The following ITCH variants were observed in gnomAD, a reference collection of about 807,000 sequenced individuals.
The protein encoded by ITCH is itchy E3 ubiquitin protein ligase.
In ITCH, 28 loss-of-function variants were observed where a neutral mutation model predicts 126.8. The observed-to-expected ratio is 0.22, with a 90% CI of 0.16 to 0.30. ITCH has a LOEUF of 0.30. ITCH is among the 10% of genes least tolerant of loss of function. The probability of loss-of-function intolerance (pLI) is 1.00; values close to 1 mark genes in which losing one functional copy is unlikely to be tolerated. For synonymous variants in ITCH, 342 were observed against 340.0 expected, an observed-to-expected ratio of 1.01 and a Z score of -0.06; for missense variants, 631 against 1,032.4, an observed-to-expected ratio of 0.61 and a Z score of 5.33.
At chr20:34,403,273 G>A (rs753540565) in intron 3 of ITCH, among the ~76,000 whole-genome samples, 9 of 152,142 alleles carry the variant, frequency 5.9e-5, no homozygotes, top group Non-Finnish European at 1.2e-4. Flanking sequence ...ATTGTAAAAT[G>A]TTTATGTTGT....
intron 6 of ITCH, among the ~76,000 whole-genome samples, chr20:34,416,286 T>C (rs1024262002): frequency 6.6e-6 from 1 of 152,150 alleles, no homozygotes; most frequent in African/African-American, 2.4e-5. Context: ...TAATCCCAGC[T>C]ACTCGGGAGG....
Position 34,507,784 on chromosome 20 carries a change from G to T in ITCH, c.2579G>T (p.Gly860Val). 1 of 1,613,148 alleles carries T rather than the reference G, an allele frequency of 6.2e-7. No homozygotes were observed. The highest frequency in any genetic ancestry group is 1.1e-5 in the South Asian group (1 of 91,050). Reference sequence around the variant, plus strand: ...GCCATAGAAGAAACAGAAGGATTTGGACAAGAGTAACTTCTGAGAACTTGC... The same window carrying T: ...GCCATAGAAGAAACAGAAGGATTTGTACAAGAGTAACTTCTGAGAACTTGC... Reference protein sequence around the residue: ...LFAIEETEGFGQE With the variant: ...LFAIEETEGFVQE Residue 860 changes from glycine to valine, a missense_variant, in exon 25 of 25, where the codon GGA becomes GTA. Transcript: ENST00000374864.
intron 4 of ITCH, 92 bp downstream of exon 4, chr20:34,408,884 T>A: frequency 1.5e-6 from 2 of 1,291,638 alleles, no homozygotes; most frequent in Non-Finnish European, 1.1e-6. Flanking sequence ...TGGTTTTTTG[T>A]TGTTGTTGTT....
chr20:34,401,573 A>G, intron 3 of ITCH: 1 of 836,376 alleles, frequency 1.2e-6, no homozygotes, highest in Non-Finnish European at 1.4e-6. Flanking sequence ...TAAAAGGAGT[A>G]TGTTATTAAA....
intron 3 of ITCH, among the ~76,000 whole-genome samples, chr20:34,404,327 T>TGA (rs1836227154): frequency 6.6e-6 from 1 of 152,102 alleles, no homozygotes; most frequent in South Asian, 2.1e-4. Flanking sequence ...AATCTAGACT[T>TGA]TGAGATTTGA....
chr20:34,381,504 G>A (rs538897369), intron 2 of ITCH, among the ~76,000 whole-genome samples: 3 of 151,712 alleles, frequency 2.0e-5, no homozygotes, highest in East Asian at 3.9e-4. Context: ...TCTGCTCACC[G>A]CAACCTCCGC....
At chr20:34,499,136 G>A (rs977458957) in intron 23 of ITCH, among the ~76,000 whole-genome samples, 1 of 151,576 alleles carries the variant, frequency 6.6e-6, no homozygotes, top group Non-Finnish European at 1.5e-5. Context: ...CACCATGCTC[G>A]GCTAATTTTT....
intron 3 of ITCH, 33 bp downstream of exon 3, chr20:34,393,914 A>T (rs1601793367): frequency 6.3e-7 from 1 of 1,575,494 alleles, no homozygotes; most frequent in East Asian, 2.2e-5. Context: ...GCTTTACTTT[A>T]TTTTTCCCCG....
chr20:34,383,789 A>C (rs866351723), intron 2 of ITCH, among the ~76,000 whole-genome samples: 18 of 151,412 alleles, frequency 1.2e-4, no homozygotes, highest in African/African-American at 4.4e-4. Context: ...TTAGCCTCCC[A>C]AAGTACCAGG....
intron 7 of ITCH, among the ~76,000 whole-genome samples, chr20:34,433,884 C>T (rs2146262021): frequency 6.6e-6 from 1 of 151,916 alleles, no homozygotes; most frequent in South Asian, 2.1e-4. Flanking sequence ...AGAGATAGTC[C>T]TATGTCTTGG....
chr20:34,379,902 C>G (rs1390598191), intron 2 of ITCH, among the ~76,000 whole-genome samples: 7 of 140,938 alleles, frequency 5.0e-5, no homozygotes, highest in Admixed American at 2.2e-4. Flanking sequence ...CGGCCCCCCC[C>G]CCCCTTTTTT....
At chr20:34,446,626 C>T (rs1984503779) in intron 11 of ITCH, among the ~76,000 whole-genome samples, 1 of 152,122 alleles carries the variant, frequency 6.6e-6, no homozygotes, top group Non-Finnish European at 1.5e-5. Flanking sequence ...CTTTACCCTT[C>T]TTTTCATTTT....
intron 3 of ITCH, among the ~76,000 whole-genome samples, chr20:34,396,313 C>G (rs1186665850): frequency 6.6e-6 from 1 of 151,904 alleles, no homozygotes; most frequent in African/African-American, 2.4e-5. Context: ...GGATTACAGG[C>G]GTGAGCCACT....
chr20:34,423,354 G>A (rs1981050202), intron 6 of ITCH, among the ~76,000 whole-genome samples: 1 of 152,144 alleles, frequency 6.6e-6, no homozygotes, highest in African/African-American at 2.4e-5. Flanking sequence ...ACTTTGCTAA[G>A]TATGGTATAG....
At chr20:34,369,988 C>G (rs113553170) in intron 2 of ITCH, among the ~76,000 whole-genome samples, 124 of 151,702 alleles carry the variant, frequency 8.2e-4, no homozygotes, top group African/African-American at 2.9e-3. Context: ...ACCTGTAATC[C>G]TAGCTGATTG....
chr20:34,488,363 A>T (rs1341493072), intron 20 of ITCH, among the ~76,000 whole-genome samples: 1 of 152,150 alleles, frequency 6.6e-6, no homozygotes. Flanking sequence ...TTTATGATTT[A>T]TGTTTTAAAA....
intron 2 of ITCH, among the ~76,000 whole-genome samples, chr20:34,378,645 T>C (rs893679708): frequency 2.6e-5 from 4 of 152,090 alleles, no homozygotes; most frequent in Non-Finnish European, 1.5e-5. Context: ...CTAAATCTCA[T>C]TTAATGAAAA....
At chr20:34,411,501 T>C (rs1388785756) in intron 4 of ITCH, among the ~76,000 whole-genome samples, 2 of 152,144 alleles carry the variant, frequency 1.3e-5, no homozygotes, top group East Asian at 3.9e-4. Flanking sequence ...CTCTTGAAAG[T>C]AGCATCTGAG....
At position 34,442,195 on chromosome 20, in the gene ITCH, T is replaced by C; in HGVS notation, c.870-13T>C. The C allele has an allele frequency of 6.2e-7, 1 of 1,603,478 alleles. No individual in the cohort carries two copies. On this transcript the variant is annotated splice_polypyrimidine_tract_variant and intron_variant, in intron 9 of 24. Coordinates refer to ENST00000374864, the MANE Select transcript of ITCH (RefSeq NM_031483.7). ...TGCAAGTATTTTACCAGCCTTTTAA[T>C]TTTGTATTTAAGTTGGGAGCAGAGA... is the stretch of plus-strand genomic sequence containing the variant.
Sources: gnomAD v4.1 joint callset for allele counts (sites outside exome capture counted in the v4.1 genomes callset) on GRCh38, gnomAD v4.1.1 for gene constraint, MANE v1.5 for transcripts, NCBI Gene and HGNC (gene_info 2026-07-23, HGNC 2026-07-21) for gene names.